Variants in ADAMTSL1 observed in about 807,000 individuals in gnomAD.
ADAMTSL1 encodes the protein ADAMTS-like protein 1.
Under a neutral mutation model 201.8 loss-of-function variants are expected in ADAMTSL1, and 126 were observed. The ratio of observed to expected loss-of-function variants is 0.62; its 90% CI spans 0.54 to 0.72. ADAMTSL1 has a LOEUF of 0.72. ADAMTSL1 is among the 30% of genes least tolerant of loss of function. ADAMTSL1 has a pLI of 0.00. For missense variants in ADAMTSL1, 2,679 were observed against 2,277.8 expected (o/e 1.18, Z -3.59); for synonymous variants, 1,121 against 903.4 (o/e 1.24, Z -4.32).
intron 2 of ADAMTSL1, among the ~76,000 whole-genome samples, chr9:18,466,223 G>T (rs1491001389): frequency 6.6e-6 from 1 of 152,164 alleles, no homozygotes; most frequent in Non-Finnish European, 1.5e-5. Context: ...TGTAAAAAGA[G>T]ATAAAATGCT....
chr9:18,271,401 C>A (rs1378430530), intron 2 of ADAMTSL1, among the ~76,000 whole-genome samples: 1 of 152,080 alleles, frequency 6.6e-6, no homozygotes, highest in Non-Finnish European at 1.5e-5. Flanking sequence ...GTTCAATTCC[C>A]ACCTATGAGT....
At chr9:18,871,786 T>C (rs761833853) in intron 23 of ADAMTSL1, among the ~76,000 whole-genome samples, 2 of 152,156 alleles carry the variant, frequency 1.3e-5, no homozygotes, top group African/African-American at 4.8e-5. Flanking sequence ...TTTGCAAATA[T>C]GTCTCTCTTT....
chr9:18,411,660 AT>A (rs926043801), intron 2 of ADAMTSL1, among the ~76,000 whole-genome samples: 2 of 152,254 alleles, frequency 1.3e-5, no homozygotes, highest in Non-Finnish European at 2.9e-5. Context: ...GCCTTAAAAA[AT>A]ATCAGTATTT....
chr9:18,798,461 C>A (rs1469968122), intron 20 of ADAMTSL1, among the ~76,000 whole-genome samples: 1 of 152,186 alleles, frequency 6.6e-6, no homozygotes, highest in Admixed American at 6.5e-5. Context: ...TGGCATGTAG[C>A]AGGCACTCAA....
intron 4 of ADAMTSL1, among the ~76,000 whole-genome samples, chr9:18,606,691 G>T (rs138912404): frequency 6.6e-6 from 1 of 152,224 alleles, no homozygotes; most frequent in African/African-American, 2.4e-5. Context: ...TGTTTTACAG[G>T]CTTCACGAAC....
intron 3 of ADAMTSL1, among the ~76,000 whole-genome samples, chr9:18,552,448 C>T (rs2132228640): frequency 6.6e-6 from 1 of 151,810 alleles, no homozygotes; most frequent in Non-Finnish European, 1.5e-5. Flanking sequence ...TCTTTTTATT[C>T]CATTTCTTTG....
Position 18,063,883 on chromosome 9 carries a change from T to C in ADAMTSL1, c.88-99979T>C, listed in dbSNP as rs942199095. On this transcript the variant is annotated intron_variant, in intron 1 of 29. Coordinates refer to the ADAMTSL1 transcript ENST00000680146. ...TTGCAGAGACGTTTGGCTCTGCACC[T>C]CCTTTATGAGTGGGTGTTCTGCACC... Among the ~76,000 whole-genome samples, 3 of 152,130 alleles carry C rather than the reference T, an allele frequency of 2.0e-5. No individual in the cohort carries two copies. In the South Asian group the frequency reaches 6.2e-4, roughly 32 times the overall value.
intron 15 of ADAMTSL1, chr9:18,723,034 G>A (rs1817641604): frequency 1.3e-6 from 1 of 779,734 alleles, no homozygotes; most frequent in Non-Finnish European, 2.4e-6. Flanking sequence ...TATCGACTCA[G>A]CATGGAACGC....
intron 2 of ADAMTSL1, among the ~76,000 whole-genome samples, chr9:18,227,496 A>G (rs1047531716): frequency 6.6e-6 from 1 of 152,190 alleles, no homozygotes; most frequent in Non-Finnish European, 1.5e-5. Flanking sequence ...ACACTCAAAC[A>G]GTTCTTACCT....
intron 14 of ADAMTSL1, among the ~76,000 whole-genome samples, chr9:18,711,770 C>T (rs1303721778): frequency 1.3e-5 from 2 of 151,892 alleles, no homozygotes. Context: ...CTGCCTGCCT[C>T]TGTAGGCTCC....
intron 1 of ADAMTSL1, among the ~76,000 whole-genome samples, chr9:17,988,657 T>G (rs967212474): frequency 6.6e-6 from 1 of 151,898 alleles, no homozygotes; most frequent in Non-Finnish European, 1.5e-5. Context: ...GGGAGCCAAT[T>G]TGATAGTAAG....
At chr9:18,883,608 C>G (rs1228310400) in intron 23 of ADAMTSL1, among the ~76,000 whole-genome samples, 1 of 152,182 alleles carries the variant, frequency 6.6e-6, no homozygotes, top group African/African-American at 2.4e-5. Flanking sequence ...AGCCACTATT[C>G]CACTTTCTGT....
chr9:18,198,169 A>G (rs534097845), intron 2 of ADAMTSL1, among the ~76,000 whole-genome samples: 176 of 152,166 alleles, frequency 1.2e-3, no homozygotes, highest in African/African-American at 3.9e-3. Flanking sequence ...AAGAAAACCT[A>G]GGCATTACCA....
chr9:18,260,527 C>G (rs897041152), intron 2 of ADAMTSL1, among the ~76,000 whole-genome samples: 1 of 152,222 alleles, frequency 6.6e-6, no homozygotes, highest in Non-Finnish European at 1.5e-5. Context: ...CGGTGCCTGC[C>G]CATCCTCCCA....
intron 15 of ADAMTSL1, among the ~76,000 whole-genome samples, chr9:18,736,676 A>G (rs1295316677): frequency 1.3e-5 from 2 of 152,342 alleles, no homozygotes; most frequent in African/African-American, 2.4e-5. Flanking sequence ...GTGTGTTTGT[A>G]TGTGTGTAGA....
chr9:18,836,573 C>G (rs1825322012), intron 23 of ADAMTSL1, among the ~76,000 whole-genome samples: 1 of 152,072 alleles, frequency 6.6e-6, no homozygotes, highest in Non-Finnish European at 1.5e-5. Context: ...ATCACTTTGG[C>G]TATTCAGGCT....
rs186784195 is a variant in ADAMTSL1, at chr9:18,371,231, G to A, written c.208-133598G>A. On this transcript the variant is annotated intron_variant, in intron 2 of 29. Transcript: ENST00000680146. The stretch of plus-strand genomic sequence containing the variant: ...GTATATGCATTATCTACTCTGACCT[G>A]GTTTAAAGATCTTGAATCAAGTTTG... Among the ~76,000 whole-genome samples the A allele has an allele frequency of 1.1e-4, 16 of 152,086 alleles. No individual in the cohort carries two copies. The East Asian group carries it at 3.1e-3, about 29-fold the overall frequency.
intron 2 of ADAMTSL1, among the ~76,000 whole-genome samples, chr9:18,302,375 G>A (rs1833739928): frequency 1.3e-5 from 2 of 152,310 alleles, no homozygotes; most frequent in South Asian, 4.1e-4. Flanking sequence ...ATGAAAGTAT[G>A]TGTTATACCT....
chr9:18,330,337 C>A (rs1342223957), intron 2 of ADAMTSL1, among the ~76,000 whole-genome samples: 1 of 151,704 alleles, frequency 6.6e-6, no homozygotes, highest in South Asian at 2.1e-4. Context: ...TTCCTTCTCC[C>A]TGATCCTGCC....
Sources: allele counts gnomAD v4.1 joint callset (sites outside exome capture counted in the v4.1 genomes callset), GRCh38; gene constraint gnomAD v4.1.1; transcripts MANE v1.5; gene names NCBI Gene and HGNC (gene_info 2026-07-23, HGNC 2026-07-21).